EPB41L3: variants seen among roughly 807,000 people sequenced by gnomAD.
EPB41L3 encodes the protein band 4.1-like protein 3.
Under a neutral mutation model 127.1 loss-of-function variants are expected in EPB41L3, and 57 were observed. The observed-to-expected ratio is 0.45, with a 90% CI of 0.36 to 0.56. EPB41L3 has a LOEUF of 0.56. Ranked by LOEUF, EPB41L3 falls within the 20% of genes least tolerant of loss-of-function variation. The pLI, the probability that EPB41L3 is intolerant of heterozygous loss-of-function variation, is 0.00. For missense variants in EPB41L3, 1,273 were observed against 1,372.2 expected (o/e 0.93, Z 1.14); for synonymous variants, 572 against 549.5 (o/e 1.04, Z -0.57).
chr18:5,593,932 T>C (rs985697555), intron 3 of EPB41L3, among the ~76,000 whole-genome samples: 1 of 152,226 alleles, frequency 6.6e-6, no homozygotes, highest in African/African-American at 2.4e-5. Flanking sequence ...TCCCTGAATA[T>C]TGCTGTTATC....
At chr18:5,596,728 T>C (rs975304060) in intron 3 of EPB41L3, among the ~76,000 whole-genome samples, 2 of 152,218 alleles carry the variant, frequency 1.3e-5, no homozygotes, top group Non-Finnish European at 2.9e-5. Context: ...GGCAGTTTTA[T>C]TCCTGTGGCT....
intron 3 of EPB41L3, among the ~76,000 whole-genome samples, chr18:5,474,446 A>T (rs1222935146): frequency 6.6e-6 from 1 of 151,972 alleles, no homozygotes; most frequent in African/African-American, 2.4e-5. Context: ...GGTCTCTCCC[A>T]CTGTAGCCTT....
intron 9 of EPB41L3, 83 bp from the exon 10 acceptor site, chr18:5,424,442 T>C (rs937456029): frequency 1.8e-6 from 2 of 1,106,778 alleles, no homozygotes; most frequent in East Asian, 2.6e-5. Context: ...AGAATCATGA[T>C]GCCACCAGAA....
chr18:5,611,495 T>G (rs1568645334), intron 3 of EPB41L3, among the ~76,000 whole-genome samples: 1 of 152,192 alleles, frequency 6.6e-6, no homozygotes, highest in Admixed American at 6.5e-5. Flanking sequence ...TTGGTTAATG[T>G]GTAGAGTTTC....
Position 5,519,456 on chromosome 18 carries a change from C to T in EPB41L3, c.-12+24457G>A, listed in dbSNP as rs557439294. On this transcript the variant is annotated intron_variant, in intron 1 of 22. Coordinates refer to ENST00000341928, the MANE Select transcript of EPB41L3 (RefSeq NM_012307.5). ...AAAGAAAATAGTCACTCAGTTATCA[C>T]CAAGACCCAAGAATCACTCTACCAC... Among the ~76,000 whole-genome samples the T allele has an allele frequency of 2.0e-5, 3 of 152,350 alleles. No homozygotes were observed. In the South Asian group the frequency reaches 6.2e-4, roughly 32 times the overall value.
intron 3 of EPB41L3, among the ~76,000 whole-genome samples, chr18:5,598,552 G>A (rs1328509702): frequency 6.6e-6 from 1 of 152,084 alleles, no homozygotes; most frequent in Non-Finnish European, 1.5e-5. Flanking sequence ...CTAAGCAAAA[G>A]TTCTTTGTGG....
chr18:5,597,858 C>T (rs2094551721), intron 3 of EPB41L3, among the ~76,000 whole-genome samples: 2 of 152,160 alleles, frequency 1.3e-5, no homozygotes, highest in Admixed American at 1.3e-4. Flanking sequence ...CTTCACACCA[C>T]TCAAGACCAG....
At chr18:5,422,559 T>C (rs1475809647) in intron 11 of EPB41L3, among the ~76,000 whole-genome samples, 4 of 152,186 alleles carry the variant, frequency 2.6e-5, no homozygotes, top group Non-Finnish European at 5.9e-5. Context: ...GATCTTCTAT[T>C]AAAAACAACA....
At chr18:5,449,563 T>G (rs900111236) in intron 3 of EPB41L3, among the ~76,000 whole-genome samples, 2 of 152,208 alleles carry the variant, frequency 1.3e-5, no homozygotes, top group Non-Finnish European at 2.9e-5. Context: ...TTGCCAAAAC[T>G]TGGAAGCAAC....
chr18:5,615,843 T>C (rs73937175), intron 1 of EPB41L3, among the ~76,000 whole-genome samples: 27,823 of 152,150 alleles, frequency 0.18, 4,498 homozygotes, highest in African/African-American at 0.44. Context: ...TACTCCTTTT[T>C]TCTTGAAGGA....
chr18:5,484,481 A>G (rs1312535806), intron 2 of EPB41L3, among the ~76,000 whole-genome samples: 1 of 151,820 alleles, frequency 6.6e-6, no homozygotes, highest in African/African-American at 2.4e-5. Context: ...GAAAAAAAGA[A>G]ATGATGATGA....
upstream of EPB41L3, among the ~76,000 whole-genome samples, chr18:5,545,307 T>C (rs1474381250): frequency 2.0e-5 from 3 of 152,166 alleles, no homozygotes; most frequent in African/African-American, 7.2e-5. Context: ...CACAAAAATA[T>C]TGCATTTGCT....
intron 13 of EPB41L3, among the ~76,000 whole-genome samples, chr18:5,411,563 G>T (rs1287022639): frequency 4.6e-5 from 7 of 152,018 alleles, no homozygotes; most frequent in African/African-American, 1.7e-4. Flanking sequence ...GTAGAGTAGA[G>T]CTGTGGACAT....
rs142026466 is a variant in EPB41L3 at position 5,530,446 on chromosome 18, G to A, written c.-12+13467C>T. Reference sequence around the variant, plus strand: ...CCATATTAAAAGTACATCTGACCACGTCTTCCAACAAGGTAACACCCCTCA... The same window carrying A: ...CCATATTAAAAGTACATCTGACCACATCTTCCAACAAGGTAACACCCCTCA... On this transcript the variant is annotated intron_variant, in intron 1 of 22. Transcript: ENST00000341928. Among the ~76,000 whole-genome samples, 15 of 152,134 alleles carry A rather than the reference G, an allele frequency of 9.9e-5. No individual in the cohort carries two copies. The East Asian group carries it at 2.7e-3, about 27-fold the overall frequency.
At chr18:5,413,108 TATATAACATATCATAAACTATC>T (rs1441451509) in intron 13 of EPB41L3, among the ~76,000 whole-genome samples, 6 of 152,172 alleles carry the variant, frequency 3.9e-5, no homozygotes, top group Non-Finnish European at 8.8e-5. Context: ...AAACTGCAAA[TATATAACATATCATAAACTATC>T]ATATAATACT....
chr18:5,449,747 G>T (rs2322095), intron 3 of EPB41L3, among the ~76,000 whole-genome samples: 119,517 of 152,162 alleles, frequency 0.79, 47,396 homozygotes, highest in African/African-American at 0.89. Flanking sequence ...TGATTCCAAC[G>T]ACATCAGTCT....
At position 5,576,584 on chromosome 18, in the gene EPB41L3, T is replaced by C. The variant is rs922933236; in HGVS notation, c.-306+35756A>G. 3.9e-5 allele frequency among the ~76,000 whole-genome samples: 6 copies of C among 152,314 alleles called. No homozygotes were observed. In the East Asian group the frequency reaches 1.2e-3, roughly 29 times the overall value. On this transcript the variant is annotated intron_variant, in intron 3 of 21. Transcript: ENST00000545076. ...AGCCACTTCTAATACCACTTATTGT[T>C]GAAATATATTTTCCCAAGGATCAAC...
chr18:5,532,266 C>A (rs193004140), intron 1 of EPB41L3, among the ~76,000 whole-genome samples: 1 of 152,328 alleles, frequency 6.6e-6, no homozygotes, highest in East Asian at 1.9e-4. Context: ...TACTCATCCC[C>A]TTGTTTAAAA....
At chr18:5,483,828 G>A (rs2089091003) in intron 2 of EPB41L3, among the ~76,000 whole-genome samples, 1 of 151,338 alleles carries the variant, frequency 6.6e-6, no homozygotes, top group Admixed American at 6.6e-5. Flanking sequence ...TAAAACATTC[G>A]TAAATCTAAA....
Sources: gnomAD v4.1 joint callset for allele counts (sites outside exome capture counted in the v4.1 genomes callset) on GRCh38, gnomAD v4.1.1 for gene constraint, MANE v1.5 for transcripts, NCBI Gene and HGNC (gene_info 2026-07-23, HGNC 2026-07-21) for gene names.